The following CLCN3 variants were observed in gnomAD, a reference collection of about 807,000 sequenced individuals.
CLCN3 encodes H(+)/Cl(-) exchange transporter 3.
CLCN3 carries 16 observed loss-of-function variants against 83.4 expected under a neutral mutation model. That is an observed-to-expected ratio of 0.19 (90% CI 0.13 to 0.29). CLCN3 has a LOEUF of 0.29. Among genes scored for constraint, CLCN3 ranks in the 10% least tolerant of loss-of-function variants. CLCN3 has a pLI of 1.00. For missense variants in CLCN3, 544 were observed against 1,006.0 expected (o/e 0.54, Z 6.21); for synonymous variants, 322 against 346.2 (o/e 0.93, Z 0.78).
At chr4:169,647,157 G>A (rs1461636673) in intron 2 of CLCN3, among the ~76,000 whole-genome samples, 1 of 152,132 alleles carries the variant, frequency 6.6e-6, no homozygotes, top group African/African-American at 2.4e-5. Context: ...AGGCTGAGGT[G>A]GGTGGATGGA....
intron 2 of CLCN3, among the ~76,000 whole-genome samples, chr4:169,673,819 T>C (rs1487169280): frequency 6.6e-6 from 1 of 152,198 alleles, no homozygotes; most frequent in Non-Finnish European, 1.5e-5. Context: ...GTACGATATA[T>C]GCCATTATAT....
chr4:169,712,867 G>C (rs574955869), intron 11 of CLCN3, among the ~76,000 whole-genome samples: 5 of 152,236 alleles, frequency 3.3e-5, no homozygotes, highest in African/African-American at 1.2e-4. Flanking sequence ...CCATGAAGAT[G>C]ATATATTATT....
intron 1 of CLCN3, among the ~76,000 whole-genome samples, chr4:169,630,157 T>C (rs1773333088): frequency 6.6e-6 from 1 of 152,218 alleles, no homozygotes; most frequent in Non-Finnish European, 1.5e-5. Context: ...TTTCAACTTT[T>C]ATTTTAGATG....
At chr4:169,631,403 C>T (rs1773366057) in intron 1 of CLCN3, among the ~76,000 whole-genome samples, 1 of 152,160 alleles carries the variant, frequency 6.6e-6, no homozygotes, top group African/African-American at 2.4e-5. Context: ...TCTCCTGCCC[C>T]AGCCTCCGGA....
intron 2 of CLCN3, among the ~76,000 whole-genome samples, chr4:169,670,243 G>A (rs944298276): frequency 6.6e-6 from 1 of 152,000 alleles, no homozygotes; most frequent in Non-Finnish European, 1.5e-5. Flanking sequence ...ATGGTTTTGG[G>A]TTTTACATTT....
intron 2 of CLCN3, among the ~76,000 whole-genome samples, chr4:169,643,830 A>G (rs1730494250): frequency 6.6e-6 from 1 of 152,188 alleles, no homozygotes. Context: ...CACAGTGGTG[A>G]ATACAAGTTT....
intron 2 of CLCN3, among the ~76,000 whole-genome samples, chr4:169,679,833 C>T (rs1027162683): frequency 6.6e-6 from 1 of 152,032 alleles, no homozygotes; most frequent in Non-Finnish European, 1.5e-5. Flanking sequence ...GAGCTGAGAT[C>T]GCGGCAGTAC....
At chr4:169,669,642 C>T (rs1368571043) in intron 2 of CLCN3, among the ~76,000 whole-genome samples, 1 of 152,140 alleles carries the variant, frequency 6.6e-6, no homozygotes, top group East Asian at 1.9e-4. Flanking sequence ...CTAGTATGAT[C>T]TTACCTGTAT....
intron 1 of CLCN3, among the ~76,000 whole-genome samples, chr4:169,625,526 G>A (rs1438564007): frequency 1.3e-5 from 2 of 150,966 alleles, no homozygotes; most frequent in Non-Finnish European, 1.5e-5. Flanking sequence ...TGGGGCTCAG[G>A]TCAGTGTAAT....
chr4:169,681,131 C>T (rs1266759638), intron 3 of CLCN3, among the ~76,000 whole-genome samples: 1 of 152,156 alleles, frequency 6.6e-6, no homozygotes, highest in East Asian at 1.9e-4. Context: ...TCACTGCAAC[C>T]TCTGCCTCCC....
intron 2 of CLCN3, among the ~76,000 whole-genome samples, chr4:169,679,001 C>T (rs1249947734): frequency 6.6e-6 from 1 of 151,586 alleles, no homozygotes. Flanking sequence ...GGCGGAGGCG[C>T]CCCCCACCTC....
Position 169,636,210 on chromosome 4 carries a change from C to T in CLCN3, c.160+122C>T, listed in dbSNP as rs1290578361. 18 of 850,566 alleles carry T rather than the reference C, an allele frequency of 2.1e-5. No individual in the cohort carries two copies. The South Asian group carries it at 2.4e-4, about 11-fold the overall frequency. 52.7% of individuals were successfully genotyped at this position (850,566 alleles called of 1,614,324 possible). On this transcript the variant is annotated intron_variant, in intron 2 of 12. Coordinates refer to ENST00000513761, the MANE Select transcript of CLCN3 (RefSeq NM_001829.4). The stretch of plus-strand genomic sequence containing the variant: ...AAAATTTGAGATCAAATTTACATAA[C>T]ATAAACTTAACCATTGTAAAGTGTG...
Position 169,697,473 on chromosome 4 carries a change from T to C in CLCN3, c.1302T>C (p.Val434=). The change falls in exon 9 of 13, where the codon GTT becomes GTC. Residue 434 remains valine, a synonymous_variant. Transcript: ENST00000513761. ...ATCCCGTTCTGGAAGTCATTATTGT[T>C]GCAGCCATTACTGCTGTGATAGCCT... is the stretch of plus-strand genomic sequence containing the variant. The part of the protein sequence containing the change: ...GKYPVLEVII[V]AAITAVIAFP... 6.2e-7 allele frequency: 1 copy of C among 1,614,226 alleles called. No individual in the cohort carries two copies.
chr4:169,685,199 A>T (rs1426670757), intron 3 of CLCN3, among the ~76,000 whole-genome samples: 2 of 152,074 alleles, frequency 1.3e-5, no homozygotes, highest in African/African-American at 4.8e-5. Flanking sequence ...CTGTGGCATT[A>T]TGTTACCAGT....
chr4:169,693,097 ACATCT>A lies in CLCN3; in HGVS notation c.936+781_936+785del, dbSNP rs150989192. 6.9e-3 allele frequency among the ~76,000 whole-genome samples: 1,044 copies of A among 152,306 alleles called. 11 individuals carry two copies. Among genetic ancestry groups the A allele is most frequent in the African/African-American group, 0.024 (1,003 of 41,578 alleles). On this transcript the variant is annotated intron_variant, in intron 7 of 12. Transcript: ENST00000513761. Reference sequence around the variant, plus strand: ...TTTTTAAGATATGATTTTTTGAAAAACATCTCATTAAATACTGGCAGAACCTTTTC... The same window carrying A: ...TTTTTAAGATATGATTTTTTGAAAAACATTAAATACTGGCAGAACCTTTTC...
intron 12 of CLCN3, chr4:169,717,736 G>A: frequency 9.0e-7 from 1 of 1,107,780 alleles, no homozygotes; most frequent in Non-Finnish European, 1.4e-6. Context: ...CATTATGATT[G>A]GAAACTCTTT....
chr4:169,657,666 CATCAAGTTGAG>C (rs1730926009), intron 2 of CLCN3, among the ~76,000 whole-genome samples: 1 of 152,124 alleles, frequency 6.6e-6, no homozygotes, highest in Admixed American at 6.6e-5. Context: ...CAGATTTCCA[CATCAAGTTGAG>C]ATTACAGTGG....
intron 2 of CLCN3, among the ~76,000 whole-genome samples, chr4:169,656,565 A>G (rs1730892615): frequency 6.6e-6 from 1 of 152,264 alleles, no homozygotes; most frequent in African/African-American, 2.4e-5. Context: ...ATACAGATCC[A>G]AACCATATTA....
At chr4:169,639,081 G>T (rs1408111598) in intron 2 of CLCN3, among the ~76,000 whole-genome samples, 2 of 152,178 alleles carry the variant, frequency 1.3e-5, no homozygotes, top group Non-Finnish European at 2.9e-5. Flanking sequence ...CTAGTCTGGA[G>T]TGCGGTGGTA....
Sources: gnomAD v4.1 joint callset for allele counts (sites outside exome capture counted in the v4.1 genomes callset) on GRCh38, gnomAD v4.1.1 for gene constraint, MANE v1.5 for transcripts, NCBI Gene and HGNC (gene_info 2026-07-23, HGNC 2026-07-21) for gene names.